The following PRICKLE1 variants were observed in gnomAD, a reference collection of about 807,000 sequenced individuals.
PRICKLE1 encodes the protein prickle-like protein 1.
In PRICKLE1, 14 loss-of-function variants were observed where a neutral mutation model predicts 70.2. The ratio of observed to expected loss-of-function variants is 0.20; its 90% confidence interval spans 0.13 to 0.31. PRICKLE1 has a LOEUF of 0.31. Among genes scored for constraint, PRICKLE1 ranks in the 10% least tolerant of loss-of-function variants. The pLI is 1.00. For missense variants in PRICKLE1, 821 were observed against 1,026.2 expected (o/e 0.80, Z 2.73); for synonymous variants, 357 against 379.9 (o/e 0.94, Z 0.70).
At chr12:42,547,742 A>G (rs917386494) in intron 1 of PRICKLE1, among the ~76,000 whole-genome samples, 3 of 152,246 alleles carry the variant, frequency 2.0e-5, no homozygotes, top group Admixed American at 6.5e-5. Context: ...TATATACATA[A>G]TAAAGGCAGC....
chr12:42,557,124 T>C (rs569723426), intron 1 of PRICKLE1, among the ~76,000 whole-genome samples: 1 of 152,304 alleles, frequency 6.6e-6, no homozygotes, highest in Admixed American at 6.5e-5. Context: ...GCCTTTACTT[T>C]CTACCAGAGT....
At position 42,589,662 on chromosome 12, in the gene PRICKLE1, C is replaced by A. The variant is rs886049379; in HGVS notation, c.-246G>T. On this transcript the variant is annotated 5_prime_UTR_variant, in exon 1 of 8. Coordinates refer to ENST00000345127, the MANE Select transcript of PRICKLE1 (RefSeq NM_153026.3). The surrounding 1 kb of genome is among the most constrained non-coding windows in gnomAD (Gnocchi z 5.0). ...GTCTCGGGGAAGTCAGCGCAGGCTGCGCGAGGCTGGCATGTTCCGGGCGCG... is the reference window on the plus strand; with the variant it reads ...GTCTCGGGGAAGTCAGCGCAGGCTGAGCGAGGCTGGCATGTTCCGGGCGCG... 1 of 152,082 alleles carries A rather than the reference C, an allele frequency of 6.6e-6. No individual in the cohort carries two copies. The highest frequency in any genetic ancestry group is 1.5e-5 in the Non-Finnish European group (1 of 68,066). 9.4% of individuals were successfully genotyped at this position (152,082 alleles called of 1,614,324 possible).
intron 1 of PRICKLE1, among the ~76,000 whole-genome samples, chr12:42,568,662 A>G (rs1227252000): frequency 1.3e-5 from 2 of 152,238 alleles, no homozygotes; most frequent in Non-Finnish European, 2.9e-5. Flanking sequence ...AAAAACTATC[A>G]TAATTCAGAA....
Position 42,519,193 on chromosome 12 carries a change from CTT to C in PRICKLE1, c.-48-46631_-48-46630del, listed in dbSNP as rs11342397. Among the ~76,000 whole-genome samples, 344 of 99,184 alleles carry C rather than the reference CTT, an allele frequency of 3.5e-3. 1 individual carries two copies. The highest frequency in any genetic ancestry group is 0.016 in the Middle Eastern group (2 of 122). The allele number at this position is 99,184 out of a possible 152,430, so 65.1% of individuals were successfully genotyped here. ...TACTGAATTTCCTTTCCTTTTTTTC[CTT>C]TTTTTTTTTTTTTTTTTTGAGATGG... On this transcript the variant is annotated intron_variant, in intron 1 of 7. Transcript: ENST00000345127.
intron 1 of PRICKLE1, among the ~76,000 whole-genome samples, chr12:42,491,592 G>T (rs1011197468): frequency 6.6e-6 from 1 of 151,826 alleles, no homozygotes; most frequent in African/African-American, 2.4e-5. Context: ...GAGCTCAGGG[G>T]CCTATCATTA....
At chr12:42,522,967 T>A (rs1939737506) in intron 1 of PRICKLE1, among the ~76,000 whole-genome samples, 1 of 151,158 alleles carries the variant, frequency 6.6e-6, no homozygotes, top group East Asian at 1.9e-4. Context: ...AACATATTTT[T>A]TTTTTTTTTT....
rs1320288406 is a variant in PRICKLE1, at chr12:42,457,986, C to G, written c.*1823G>C. 1.3e-5 allele frequency: 2 copies of G among 152,186 alleles called. No individual in the cohort carries two copies. The highest frequency in any genetic ancestry group is 2.4e-5 in the African/African-American group (1 of 41,446). 9.4% of individuals were successfully genotyped at this position (152,186 alleles called of 1,614,324 possible). A position where few individuals can be genotyped will look rare whatever the true frequency, so the allele number is the denominator to read the frequency against. The stretch of plus-strand genomic sequence containing the variant: ...CATTGCTGATGGTTTTTTAAAGGCA[C>G]CAGACCAGGGAATGTAAGTTACTGA... On this transcript the variant is annotated 3_prime_UTR_variant, in exon 8 of 8. Transcript: ENST00000345127.
Position 42,464,555 on chromosome 12 carries a change from G to C in PRICKLE1, c.1479C>G (p.Ser493Arg). ...GTTCCAATTCCTGAAGCCTTCTACT[G>C]CTTGCAGGGCCTGGGTGGCTGCCAT... ...SAYGSHPGPA[S>R]SRRLQELELD... is the part of the protein sequence containing the mutation. Residue 493 changes from serine (S) to arginine (R), a missense_variant, in exon 7 of 8, where the codon AGC becomes AGG. Coordinates refer to ENST00000345127, the MANE Select transcript of PRICKLE1 (RefSeq NM_153026.3). This position sits in a 1 kb window ranked among gnomAD's most constrained non-coding sequence, Gnocchi z 4.2. The C allele has an allele frequency of 3.1e-6, 5 of 1,613,874 alleles. No homozygotes were observed. Among genetic ancestry groups the C allele is most frequent in the Non-Finnish European group, 4.2e-6 (5 of 1,180,014 alleles).
intron 1 of PRICKLE1, among the ~76,000 whole-genome samples, chr12:42,527,963 ATATATATATCTC>A (rs1939842261): frequency 8.8e-5 from 1 of 11,394 alleles, no homozygotes; most frequent in Non-Finnish European, 2.5e-4. Flanking sequence ...ATATATATAT[ATATATATATCTC>A]CAAAGTTTTA....
intron 4 of PRICKLE1, 98 bp from the exon 5 acceptor site, chr12:42,468,927 GTATT>G (rs2140114884): frequency 7.9e-7 from 1 of 1,271,458 alleles, no homozygotes; most frequent in South Asian, 1.3e-5. Context: ...TGTCAGGAAT[GTATT>G]TATTTTTGCT....
At position 42,465,230 on chromosome 12, in the gene PRICKLE1, G is replaced by C; in HGVS notation, c.804C>G (p.Asp268Glu). ...CTTCCGTGGCGTGCCAGTGCTGCCC[G>C]TCATAGGTCATCTGTGCATGGTCCA... Reference protein sequence around the residue: ...IGVDHAQMTYDGQHWHATEAC... With the variant: ...IGVDHAQMTYEGQHWHATEAC... Residue 268 changes from aspartate (D) to glutamate (E), a missense_variant, in exon 7 of 8, where the codon GAC becomes GAG. Physicochemically the swap from Asp to Glu is conservative, Grantham distance 45 (BLOSUM62 2). Transcript: ENST00000345127. 2.5e-6 allele frequency: 4 copies of C among 1,614,014 alleles called. No individual in the cohort carries two copies. The highest frequency in any genetic ancestry group is 3.4e-6 in the Non-Finnish European group (4 of 1,180,004).
chr12:42,520,147 C>G (rs1399353016), intron 1 of PRICKLE1, among the ~76,000 whole-genome samples: 1 of 152,164 alleles, frequency 6.6e-6, no homozygotes, highest in Non-Finnish European at 1.5e-5. Context: ...AGCACCCTCT[C>G]AAGTGTCCAG....
intron 1 of PRICKLE1, among the ~76,000 whole-genome samples, chr12:42,554,405 C>T (rs79977751): frequency 0.034 from 5,189 of 152,178 alleles, 132 homozygotes; most frequent in Middle Eastern, 0.058. Flanking sequence ...TCAGCAAAGC[C>T]GTATACAAAT....
intron 1 of PRICKLE1, among the ~76,000 whole-genome samples, chr12:42,582,845 T>C (rs1940926457): frequency 6.6e-6 from 1 of 151,924 alleles, no homozygotes; most frequent in Non-Finnish European, 1.5e-5. Flanking sequence ...TCACCAGCCA[T>C]CGTTAGTGTT....
rs373181804 is a variant in PRICKLE1 at position 42,542,314 on chromosome 12, T to C, written c.-49+47151A>G. Reference sequence around the variant, plus strand: ...TATATGATTTTTTTTCATAATGTTATTACATATTTAATCTATATTCAATAT... The same window carrying C: ...TATATGATTTTTTTTCATAATGTTACTACATATTTAATCTATATTCAATAT... On this transcript the variant is annotated intron_variant, in intron 1 of 7. Coordinates refer to ENST00000345127, the MANE Select transcript of PRICKLE1 (RefSeq NM_153026.3). 2.0e-5 allele frequency among the ~76,000 whole-genome samples: 3 copies of C among 152,278 alleles called. 1 individual carries two copies. Among genetic ancestry groups the C allele is most frequent in the African/African-American group, 7.2e-5 (3 of 41,552 alleles).
At chr12:42,582,988 A>C (rs1940928881) in intron 1 of PRICKLE1, among the ~76,000 whole-genome samples, 2 of 152,208 alleles carry the variant, frequency 1.3e-5, no homozygotes, top group South Asian at 4.1e-4. Flanking sequence ...ATGCACGTAA[A>C]TAGGATAGTT....
At chr12:42,580,328 C>A (rs1295402950) in intron 1 of PRICKLE1, among the ~76,000 whole-genome samples, 1 of 152,130 alleles carries the variant, frequency 6.6e-6, no homozygotes, top group African/African-American at 2.4e-5. Flanking sequence ...ATTAATTATA[C>A]TTTTGAATAA....
At chr12:42,532,875 C>T (rs1046369470) in intron 1 of PRICKLE1, among the ~76,000 whole-genome samples, 1 of 135,286 alleles carries the variant, frequency 7.4e-6, no homozygotes, top group Non-Finnish European at 1.5e-5. Flanking sequence ...CCAGCCTGGG[C>T]GAGAGTGAGA....
intron 1 of PRICKLE1, among the ~76,000 whole-genome samples, chr12:42,532,374 A>G (rs1939933573): frequency 6.6e-6 from 1 of 152,228 alleles, no homozygotes; most frequent in Non-Finnish European, 1.5e-5. Flanking sequence ...TTACTCACAT[A>G]ATAGAAAATT....
Sources: gnomAD v4.1 joint callset for allele counts (sites outside exome capture counted in the v4.1 genomes callset) on GRCh38, gnomAD v4.1.1 for gene constraint, Gnocchi (gnomAD v3.1) non-coding constraint, MANE v1.5 for transcripts, NCBI Gene and HGNC (gene_info 2026-07-23, HGNC 2026-07-21) for gene names.